CDC14A: variants seen among roughly 807,000 people sequenced by gnomAD.
The protein encoded by CDC14A is cell division cycle 14A.
Under a neutral mutation model 74.4 loss-of-function variants are expected in CDC14A, and 53 were observed. That is an observed-to-expected ratio of 0.71 (90% CI 0.57 to 0.89). CDC14A has a LOEUF of 0.89. Ranked by LOEUF, CDC14A falls within the 40% of genes least tolerant of loss-of-function variation. The pLI is 0.00. For synonymous variants in CDC14A, 247 were observed against 258.4 expected (o/e 0.96, Z 0.43); for missense variants, 646 against 713.7 (o/e 0.91, Z 1.08).
chr1:100,351,221 A>C (rs562771013), upstream of CDC14A, among the ~76,000 whole-genome samples: 10 of 151,722 alleles, frequency 6.6e-5, no homozygotes, highest in East Asian at 7.7e-4. Context: ...AAAAAAAAAA[A>C]ACCACAAACA....
At chr1:100,380,382 TAC>T (rs2100957003) in intron 3 of CDC14A, among the ~76,000 whole-genome samples, 1 of 152,320 alleles carries the variant, frequency 6.6e-6, no homozygotes, top group Non-Finnish European at 1.5e-5. Context: ...GCCTCTGGTT[TAC>T]AGTCATCCTT....
In CDC14A at chr1:100,352,826, GCCTC is replaced by G; in HGVS notation, c.-124_-121del. On this transcript the variant is annotated 5_prime_UTR_variant, in exon 1 of 16. The change creates a premature stop within an existing upstream ORF in the 5' untranslated region. Coordinates refer to ENST00000336454, the MANE Select transcript of CDC14A (RefSeq NM_003672.4). ...GCCGCCTCCGCCTTCGGCGCCTGCTGCCTCCCTCGGCCAGGCTTGTTGTTCGGGA... is the reference window on the plus strand; with the variant it reads ...GCCGCCTCCGCCTTCGGCGCCTGCTGCCTCGGCCAGGCTTGTTGTTCGGGA... The G allele has an allele frequency of 6.7e-7, 1 of 1,494,942 alleles. No homozygotes were observed. Among genetic ancestry groups the G allele is most frequent in the South Asian group, 1.3e-5 (1 of 76,956 alleles). 92.6% of individuals were successfully genotyped at this position (1,494,942 alleles called of 1,614,324 possible).
chr1:100,515,800 A>C (rs573476553), intron 15 of CDC14A, among the ~76,000 whole-genome samples: 23 of 152,230 alleles, frequency 1.5e-4, no homozygotes, highest in Non-Finnish European at 3.2e-4. Flanking sequence ...CTTTCATTTC[A>C]CTTTCCTTTA....
chr1:100,463,131 G>A (rs1667477033), intron 9 of CDC14A, among the ~76,000 whole-genome samples: 2 of 152,124 alleles, frequency 1.3e-5, no homozygotes, highest in Admixed American at 1.3e-4. Context: ...CCAGGCCCAC[G>A]TGCCACAATG....
intron 11 of CDC14A, chr1:100,485,887 A>C (rs1211957056): frequency 6.6e-6 from 1 of 152,208 alleles, no homozygotes; most frequent in Non-Finnish European, 1.5e-5. Context: ...GTTCTCCAGG[A>C]TGGCTGCTGA....
intron 4 of CDC14A, among the ~76,000 whole-genome samples, chr1:100,404,523 A>C (rs1267609804): frequency 6.6e-6 from 1 of 152,218 alleles, no homozygotes; most frequent in Non-Finnish European, 1.5e-5. Context: ...CAGCAAATTC[A>C]TGGGTAATAA....
At chr1:100,354,524 G>A (rs991245429) in intron 2 of CDC14A, among the ~76,000 whole-genome samples, 24 of 152,156 alleles carry the variant, frequency 1.6e-4, no homozygotes, top group Non-Finnish European at 3.4e-4. Flanking sequence ...AATAAAAGTA[G>A]GGAACTGTTT....
intron 3 of CDC14A, among the ~76,000 whole-genome samples, chr1:100,389,464 TA>T (rs1001658227): frequency 1.4e-5 from 2 of 143,470 alleles, no homozygotes; most frequent in African/African-American, 5.2e-5. Context: ...AAAAAAAAAA[TA>T]TATATATATG....
rs1664110819 is a variant in CDC14A at position 100,434,662 on chromosome 1, C to T, written c.390-5270C>T. On this transcript the variant is annotated intron_variant, in intron 5 of 15. Transcript: ENST00000336454. Reference sequence around the variant, plus strand: ...GGGGAAAGAAAGGTGAGACTTCTGGCCTGTAGCTTGAGTGACTGTGGGAGC... The same window carrying T: ...GGGGAAAGAAAGGTGAGACTTCTGGTCTGTAGCTTGAGTGACTGTGGGAGC... Among the ~76,000 whole-genome samples, 3 of 152,040 alleles carry T rather than the reference C, an allele frequency of 2.0e-5. 1 individual carries two copies. Among genetic ancestry groups the T allele is most frequent in the African/African-American group, 7.2e-5 (3 of 41,394 alleles).
At chr1:100,457,625 G>GA (rs1557779811) in intron 8 of CDC14A, among the ~76,000 whole-genome samples, 22 of 122,168 alleles carry the variant, frequency 1.8e-4, no homozygotes, top group African/African-American at 5.3e-4. Context: ...ACACCTGGCT[G>GA]GTTTTTTTTT....
chr1:100,377,713 C>T, intron 3 of CDC14A, 92 bp downstream of exon 3: 2 of 879,644 alleles, frequency 2.3e-6, no homozygotes, highest in Non-Finnish European at 3.6e-6. Context: ...AACATTTAGT[C>T]AGGTGATCTT....
At chr1:100,372,920 G>C (rs1449418798) in intron 2 of CDC14A, among the ~76,000 whole-genome samples, 2 of 152,174 alleles carry the variant, frequency 1.3e-5, no homozygotes, top group Non-Finnish European at 2.9e-5. Flanking sequence ...GCTGTGGCTG[G>C]TTTCATCTTC....
chr1:100,406,931 A>T (rs1309973727), intron 4 of CDC14A, among the ~76,000 whole-genome samples: 1 of 133,234 alleles, frequency 7.5e-6, no homozygotes. Flanking sequence ...TGTCTCAAAT[A>T]AAAAAAAAAA....
intron 11 of CDC14A, among the ~76,000 whole-genome samples, chr1:100,491,546 C>A (rs59737380): frequency 0.036 from 1,424 of 39,670 alleles, 25 homozygotes; most frequent in African/African-American, 0.062. Flanking sequence ...CTCTCTCTCT[C>A]TCTATATATA....
At chr1:100,446,163 T>G (rs566463506) in intron 7 of CDC14A, among the ~76,000 whole-genome samples, 62 of 152,200 alleles carry the variant, frequency 4.1e-4, no homozygotes, top group Admixed American at 1.5e-3. Flanking sequence ...ATTTTATTGT[T>G]GACAGCAATT....
chr1:100,480,362 A>G (rs1290993288), intron 10 of CDC14A, among the ~76,000 whole-genome samples: 2 of 152,218 alleles, frequency 1.3e-5, no homozygotes, highest in East Asian at 1.9e-4. Context: ...CATTGTATGT[A>G]TATATCCCAT....
intron 10 of CDC14A, among the ~76,000 whole-genome samples, chr1:100,482,451 T>A (rs918986675): frequency 6.6e-6 from 1 of 152,174 alleles, no homozygotes; most frequent in African/African-American, 2.4e-5. Context: ...TACTCTTAGC[T>A]GGGTAAGTCC....
chr1:100,475,338 A>T (rs1668781837), intron 10 of CDC14A, among the ~76,000 whole-genome samples: 1 of 152,106 alleles, frequency 6.6e-6, no homozygotes. Context: ...GGGCATTTTT[A>T]TCATGGCTAC....
chr1:100,426,348 AGT>A (rs1662957402), intron 5 of CDC14A, among the ~76,000 whole-genome samples: 1 of 152,122 alleles, frequency 6.6e-6, no homozygotes, highest in Non-Finnish European at 1.5e-5. Context: ...CCTGGCTTCA[AGT>A]GATCCACTTG....
Sources: allele counts gnomAD v4.1 joint callset (sites outside exome capture counted in the v4.1 genomes callset), GRCh38; gene constraint gnomAD v4.1.1; transcripts MANE v1.5; gene names NCBI Gene and HGNC (gene_info 2026-07-23, HGNC 2026-07-21).